The following ATXN1 variants were observed in gnomAD, a reference collection of about 807,000 sequenced individuals.
ATXN1 encodes the protein ataxin-1.
ATXN1 carries 8 observed loss-of-function variants against 56.4 expected under a neutral mutation model. The observed-to-expected ratio is 0.14, with a 90% CI of 0.08 to 0.26. The LOEUF (loss-of-function observed/expected upper bound fraction) is 0.26. Among genes scored for constraint, ATXN1 ranks in the 10% least tolerant of loss-of-function variants. The pLI, the probability that ATXN1 is intolerant of heterozygous loss-of-function variation, is 1.00. For missense variants in ATXN1, 987 were observed against 1,106.5 expected (o/e 0.89, Z 1.53); for synonymous variants, 514 against 494.6 (o/e 1.04, Z -0.52).
chr6:16,590,855 T>G lies in ATXN1; in HGVS notation c.-488-4948A>C, dbSNP rs1581866533. ...TGGCTAATTTTTTAATTTTTTTTTTTTTTTGAAACATAGTTTCACTCCTGT... is the reference window on the plus strand; with the variant it reads ...TGGCTAATTTTTTAATTTTTTTTTTGTTTTGAAACATAGTTTCACTCCTGT... On this transcript the variant is annotated intron_variant, in intron 3 of 7. Transcript: ENST00000436367. 2.0e-5 allele frequency among the ~76,000 whole-genome samples: 3 copies of G among 151,698 alleles called. No individual in the cohort carries two copies. In the East Asian group the frequency reaches 5.8e-4, roughly 29 times the overall value.
rs1170364918 is a variant in ATXN1 at position 16,303,595 on chromosome 6, GA to G, written c.*2733del. On this transcript the variant is annotated 3_prime_UTR_variant, in exon 8 of 8. Transcript: ENST00000436367. The surrounding 1 kb of genome is among the most constrained non-coding windows in gnomAD (Gnocchi z 4.3). Reference sequence around the variant, plus strand: ...GAGAATGAAATGGGACAAGTGTTTAGAAAGAACCAATTATTTTATAATTCCT... The same window carrying G: ...GAGAATGAAATGGGACAAGTGTTTAGAAGAACCAATTATTTTATAATTCCT... The G allele has an allele frequency of 1.3e-5, 2 of 152,626 alleles. No homozygotes were observed. The highest frequency in any genetic ancestry group is 4.8e-5 in the African/African-American group (2 of 41,462). The allele number at this position is 152,626 out of a possible 1,614,324, so 9.5% of individuals were successfully genotyped here.
chr6:16,387,616 T>C (rs1758268228), intron 6 of ATXN1, among the ~76,000 whole-genome samples: 1 of 152,196 alleles, frequency 6.6e-6, no homozygotes, highest in Non-Finnish European at 1.5e-5. Context: ...GGAGTGCTTG[T>C]TGTGTTGTCA....
chr6:16,631,798 CTG>C (rs1763509771), intron 3 of ATXN1, among the ~76,000 whole-genome samples: 2 of 152,168 alleles, frequency 1.3e-5, no homozygotes, highest in Admixed American at 1.3e-4. Flanking sequence ...TTTATTTCCT[CTG>C]TATGTTTTTT....
chr6:16,634,913 T>G (rs1763566893), intron 3 of ATXN1, among the ~76,000 whole-genome samples: 1 of 152,198 alleles, frequency 6.6e-6, no homozygotes, highest in East Asian at 1.9e-4. Flanking sequence ...ACTATCGTTT[T>G]GTCACTTTTG....
chr6:16,495,207 T>C (rs1215912108), intron 5 of ATXN1, among the ~76,000 whole-genome samples: 1 of 152,230 alleles, frequency 6.6e-6, no homozygotes, highest in Non-Finnish European at 1.5e-5. Flanking sequence ...CCTGCTCTAT[T>C]TGCTCCTTTT....
At chr6:16,444,534 C>T (rs963738322) in intron 6 of ATXN1, among the ~76,000 whole-genome samples, 3 of 152,122 alleles carry the variant, frequency 2.0e-5, no homozygotes, top group Admixed American at 2.0e-4. Flanking sequence ...TATGAATTTA[C>T]AGTCATGCTT....
intron 5 of ATXN1, among the ~76,000 whole-genome samples, chr6:16,501,093 T>C (rs999911405): frequency 1.3e-5 from 2 of 151,536 alleles, no homozygotes; most frequent in African/African-American, 2.4e-5. Context: ...ATGTGTAGGT[T>C]TGTGCATGTG....
intron 4 of ATXN1, among the ~76,000 whole-genome samples, chr6:16,549,393 C>T (rs550214122): frequency 3.9e-5 from 6 of 152,160 alleles, no homozygotes; most frequent in Non-Finnish European, 8.8e-5. Context: ...CATTACTAGG[C>T]GATAAAAATT....
intron 6 of ATXN1, among the ~76,000 whole-genome samples, chr6:16,343,787 A>G (rs1465009787): frequency 6.6e-6 from 1 of 152,134 alleles, no homozygotes; most frequent in Admixed American, 6.6e-5. Context: ...CTCTGTGGCC[A>G]TTACTCAGCT....
At chr6:16,576,075 A>T (rs1044499392) in intron 4 of ATXN1, among the ~76,000 whole-genome samples, 8 of 151,346 alleles carry the variant, frequency 5.3e-5, no homozygotes, top group African/African-American at 2.0e-4. Flanking sequence ...GTGCTTTTCT[A>T]GGAAAATTGG....
rs1213234622 is a variant in ATXN1, at chr6:16,367,385, CAT to C, written c.-160-38917_-160-38916del. Among the ~76,000 whole-genome samples, 525 of 141,710 alleles carry C rather than the reference CAT, an allele frequency of 3.7e-3. 2 individuals are homozygous for C. The highest frequency in any genetic ancestry group is 0.012 in the African/African-American group (459 of 39,544). The allele number at this position is 141,710 out of a possible 152,430, so 93.0% of individuals were successfully genotyped here. On this transcript the variant is annotated intron_variant, in intron 6 of 7. Transcript: ENST00000436367. ...TCTCACACACACACACACACACACA[CAT>C]ACAGACACACACACAATCAGTGTAA...
At chr6:16,730,487 G>GTGTATATATGTATA (rs141836403) in intron 2 of ATXN1, among the ~76,000 whole-genome samples, 1 of 132,060 alleles carries the variant, frequency 7.6e-6, no homozygotes, top group South Asian at 2.5e-4. Flanking sequence ...AAAACAGTAT[G>GTGTATATATGTATA]TATATATATA....
chr6:16,676,148 G>A (rs1758656159), intron 2 of ATXN1, among the ~76,000 whole-genome samples: 2 of 152,078 alleles, frequency 1.3e-5, no homozygotes, highest in African/African-American at 4.8e-5. Flanking sequence ...TGGTAAGTGT[G>A]AGTGAGTTTG....
chr6:16,551,111 G>A (rs193208537), intron 4 of ATXN1, among the ~76,000 whole-genome samples: 4 of 152,198 alleles, frequency 2.6e-5, no homozygotes, highest in Admixed American at 2.0e-4. Context: ...CATAAATGAA[G>A]AATAAAAAGA....
intron 6 of ATXN1, among the ~76,000 whole-genome samples, chr6:16,413,217 A>G (rs1758837680): frequency 6.6e-6 from 1 of 152,226 alleles, no homozygotes; most frequent in South Asian, 2.1e-4. Flanking sequence ...CTGAAACTCA[A>G]AAGAACTTCC....
intron 3 of ATXN1, among the ~76,000 whole-genome samples, chr6:16,595,802 AT>A (rs113347315): frequency 6.6e-6 from 1 of 152,046 alleles, no homozygotes; most frequent in Non-Finnish European, 1.5e-5. Context: ...CCTTTTTGAG[AT>A]TTTTTGGTGA....
intron 6 of ATXN1, among the ~76,000 whole-genome samples, chr6:16,429,571 C>T (rs1415728136): frequency 6.6e-6 from 1 of 151,932 alleles, no homozygotes; most frequent in Non-Finnish European, 1.5e-5. Flanking sequence ...GTGCCCACCA[C>T]CACGCCTGGC....
At chr6:16,752,506 A>T (rs1277363742) in intron 2 of ATXN1, among the ~76,000 whole-genome samples, 2 of 152,160 alleles carry the variant, frequency 1.3e-5, no homozygotes, top group Non-Finnish European at 2.9e-5. Context: ...AAGCAGGTCC[A>T]TTTCCAAGGC....
intron 3 of ATXN1, among the ~76,000 whole-genome samples, chr6:16,642,854 A>AT (rs1763729852): frequency 6.6e-6 from 1 of 152,272 alleles, no homozygotes; most frequent in Non-Finnish European, 1.5e-5. Context: ...ATGTTATTGG[A>AT]TAATTAATAG....
Sources: allele counts gnomAD v4.1 joint callset (sites outside exome capture counted in the v4.1 genomes callset), GRCh38; gene constraint gnomAD v4.1.1; non-coding constraint Gnocchi (gnomAD v3.1); transcripts MANE v1.5; gene names NCBI Gene and HGNC (gene_info 2026-07-23, HGNC 2026-07-21).